The following PLXDC1 variants were observed in gnomAD, a reference collection of about 807,000 sequenced individuals.
PLXDC1 encodes the protein plexin domain-containing protein 1.
A neutral mutation model predicts 61.3 loss-of-function variants in PLXDC1; 39 were observed. The observed-to-expected ratio is 0.64, with a 90% confidence interval of 0.49 to 0.83. PLXDC1 has a LOEUF of 0.83. Ranked by LOEUF, PLXDC1 falls within the 40% of genes least tolerant of loss-of-function variation. PLXDC1 has a pLI of 0.00. For synonymous variants in PLXDC1, 212 were observed against 254.5 expected (o/e 0.83, Z 1.59); for missense variants, 596 against 666.5 (o/e 0.89, Z 1.17).
At chr17:39,078,489 T>A (rs144279921) in intron 10 of PLXDC1, among the ~76,000 whole-genome samples, 130 of 152,344 alleles carry the variant, frequency 8.5e-4, no homozygotes, top group African/African-American at 3.0e-3. Flanking sequence ...CACAGTGACA[T>A]GCTTGGCACA....
At chr17:39,128,127 G>GTATATATA (rs1567769612) in intron 2 of PLXDC1, among the ~76,000 whole-genome samples, 1 of 56,196 alleles carries the variant, frequency 1.8e-5, no homozygotes, top group African/African-American at 7.6e-5. Context: ...ATATATATAT[G>GTATATATA]TGTATATATA....
At chr17:39,098,903 C>A (rs955036666) in intron 7 of PLXDC1, among the ~76,000 whole-genome samples, 1 of 152,126 alleles carries the variant, frequency 6.6e-6, no homozygotes, top group African/African-American at 2.4e-5. Flanking sequence ...AATGCGCCTG[C>A]GTGGTTGACT....
chr17:39,097,027 C>T (rs1419534889), intron 7 of PLXDC1: 1 of 470,880 alleles, frequency 2.1e-6, no homozygotes, highest in Non-Finnish European at 4.4e-6. Flanking sequence ...TGGTTTTCAG[C>T]CTCTTCTACC....
intron 8 of PLXDC1, among the ~76,000 whole-genome samples, chr17:39,084,403 T>G (rs1405795403): frequency 1.3e-5 from 2 of 152,254 alleles, no homozygotes. Context: ...ATGGTAACCA[T>G]CTCACTGTCT....
At chr17:39,107,289 T>A in intron 6 of PLXDC1, 118 bp downstream of exon 6, 1 of 656,618 alleles carries the variant, frequency 1.5e-6, no homozygotes, top group South Asian at 1.9e-5. Flanking sequence ...AAACATCTTG[T>A]TAACTGCTGT....
At chr17:39,090,928 C>G (rs1567757999) in intron 7 of PLXDC1, among the ~76,000 whole-genome samples, 1 of 152,198 alleles carries the variant, frequency 6.6e-6, no homozygotes, top group Non-Finnish European at 1.5e-5. Context: ...GTCAGCAAGT[C>G]TGATGGGTCC....
At chr17:39,135,846 G>T (rs369465310) in intron 2 of PLXDC1, among the ~76,000 whole-genome samples, 1 of 152,162 alleles carries the variant, frequency 6.6e-6, no homozygotes, top group Non-Finnish European at 1.5e-5. Flanking sequence ...CCAGGGTGGA[G>T]CCTGAGAATT....
intron 7 of PLXDC1, 110 bp from the exon 8 acceptor site, chr17:39,087,812 GCACC>G: frequency 5.6e-6 from 4 of 716,480 alleles, no homozygotes; most frequent in Non-Finnish European, 7.3e-6. Flanking sequence ...GGCAGTAAGT[GCACC>G]CAGCAGCCTG....
chr17:39,085,290 T>C (rs1909702134), intron 8 of PLXDC1, among the ~76,000 whole-genome samples: 1 of 152,046 alleles, frequency 6.6e-6, no homozygotes, highest in African/African-American at 2.4e-5. Flanking sequence ...TCTGCCGTGG[T>C]GTTGAAGGCC....
At chr17:39,074,239 C>T (rs898201251) in intron 11 of PLXDC1, among the ~76,000 whole-genome samples, 2 of 152,126 alleles carry the variant, frequency 1.3e-5, no homozygotes, top group Admixed American at 6.5e-5. Context: ...AAACCAGGCA[C>T]AATGGCATGT....
chr17:39,118,688 C>T (rs573837936), intron 2 of PLXDC1, among the ~76,000 whole-genome samples: 2 of 152,350 alleles, frequency 1.3e-5, no homozygotes, highest in African/African-American at 4.8e-5. Context: ...CTACACCCAT[C>T]ACAGTCTCCT....
chr17:39,123,366 T>C (rs1167344957), intron 2 of PLXDC1, among the ~76,000 whole-genome samples: 1 of 152,182 alleles, frequency 6.6e-6, no homozygotes, highest in East Asian at 1.9e-4. Flanking sequence ...ATTTTTGTAA[T>C]TTTAGTAGAG....
rs1386114699 is a variant in PLXDC1 at position 39,069,846 on chromosome 17, T to C, written c.1383+10A>G. 9.3e-6 allele frequency: 15 copies of C among 1,611,512 alleles called. No individual in the cohort carries two copies. Among genetic ancestry groups the C allele is most frequent in the Non-Finnish European group, 1.1e-5 (13 of 1,178,112 alleles). ...CAGACAGGAGCCCTGTGGCCACAGA[T>C]GACACGGACCTCGATGAAGAAGAGC... On this transcript the variant is annotated intron_variant, in intron 13 of 13. Coordinates refer to ENST00000315392, the MANE Select transcript of PLXDC1 (RefSeq NM_020405.5).
At chr17:39,124,836 G>C (rs1239238214) in intron 2 of PLXDC1, among the ~76,000 whole-genome samples, 1 of 152,110 alleles carries the variant, frequency 6.6e-6, no homozygotes, top group African/African-American at 2.4e-5. Context: ...TTTATTTAGA[G>C]ACAGTCTCAC....
rs77257830 is a variant in PLXDC1, at chr17:39,063,671, C to T, written c.*4169G>A. On this transcript the variant is annotated 3_prime_UTR_variant, in exon 14 of 14. Transcript: ENST00000315392. ...TGAGAATCCATGCAGAGAGTTTACA[C>T]TAAACACATGAATACATTGTGTTTT... 5.7e-5 allele frequency: 34 copies of T among 591,604 alleles called. No individual in the cohort carries two copies. In the East Asian group the frequency reaches 9.1e-4, roughly 16 times the overall value. 36.6% of individuals were successfully genotyped at this position (591,604 alleles called of 1,614,324 possible).
chr17:39,151,419 GC>G lies in PLXDC1; in HGVS notation c.18del (p.Trp6CysfsTer14). 7.7e-7 allele frequency: 1 copy of G among 1,292,556 alleles called. No individual in the cohort carries two copies. The highest frequency in any genetic ancestry group is 9.8e-7 in the Non-Finnish European group (1 of 1,018,672). The allele number at this position is 1,292,556 out of a possible 1,614,324, so 80.1% of individuals were successfully genotyped here. MRGEL[W>X]LLVLVLREAA... ...GCCTCCCTGAGCACCAGCACCAGGA[GC>G]CAGAGCTCGCCTCGCATGGTGGGTG... is the stretch of plus-strand genomic sequence containing the variant. On this transcript the variant is annotated frameshift_variant, in exon 1 of 14. Transcript: ENST00000315392. LOFTEE classifies it high-confidence loss of function. This position sits in a 1 kb window ranked among gnomAD's most constrained non-coding sequence, Gnocchi z 5.2.
chr17:39,128,087 C>CTATGTATATATATATA (rs1304464750), intron 2 of PLXDC1, among the ~76,000 whole-genome samples: 57 of 67,232 alleles, frequency 8.5e-4, no homozygotes, highest in Middle Eastern at 0.01. Context: ...CTCTCTCTCT[C>CTATGTATATATATATA]TCTCTATGTG....
chr17:39,078,386 C>A (rs1035977504), intron 10 of PLXDC1, among the ~76,000 whole-genome samples: 1 of 152,358 alleles, frequency 6.6e-6, no homozygotes. Flanking sequence ...CATTAAACTT[C>A]TCTGAGCCCC....
At position 39,151,410 on chromosome 17, in the gene PLXDC1, G is replaced by A; in HGVS notation, c.28C>T (p.Leu10=). 7.7e-7 allele frequency: 1 copy of A among 1,296,526 alleles called. No homozygotes were observed. 80.3% of individuals were successfully genotyped at this position (1,296,526 alleles called of 1,614,324 possible). MRGELWLLV[L]VLREAARALS... ...GCCCGGGCAGCCTCCCTGAGCACCA[G>A]CACCAGGAGCCAGAGCTCGCCTCGC... Residue 10 remains leucine (L), a synonymous_variant, in exon 1 of 14, where the codon CTG becomes TTG. Transcript: ENST00000315392. This position sits in a 1 kb window ranked among gnomAD's most constrained non-coding sequence, Gnocchi z 5.2.
Sources: gnomAD v4.1 joint callset for allele counts (sites outside exome capture counted in the v4.1 genomes callset) on GRCh38, gnomAD v4.1.1 for gene constraint, Gnocchi (gnomAD v3.1) non-coding constraint, MANE v1.5 for transcripts, NCBI Gene and HGNC (gene_info 2026-07-23, HGNC 2026-07-21) for gene names.